The following PARD3 variants were observed in gnomAD, a reference collection of about 807,000 sequenced individuals.
PARD3 encodes the protein par-3 family cell polarity regulator.
Under a neutral mutation model 155.4 loss-of-function variants are expected in PARD3, and 75 were observed. The observed-to-expected ratio is 0.48, with a 90% CI of 0.40 to 0.58. The LOEUF (loss-of-function observed/expected upper bound fraction) is 0.58. Ranked by LOEUF, PARD3 falls within the 20% of genes least tolerant of loss-of-function variation. The pLI, the probability that PARD3 is intolerant of heterozygous loss-of-function variation, is 0.00. For missense variants in PARD3, 1,642 were observed against 1,721.7 expected (o/e 0.95, Z 0.82); for synonymous variants, 576 against 610.5 (o/e 0.94, Z 0.83).
chr10:34,317,543 C>T (rs1003353401), intron 19 of PARD3, among the ~76,000 whole-genome samples: 2 of 152,084 alleles, frequency 1.3e-5, no homozygotes, highest in African/African-American at 4.8e-5. Flanking sequence ...AGATCGTGTG[C>T]CAAGTCAGTA....
At chr10:34,579,295 T>G (rs1348332065) in intron 2 of PARD3, among the ~76,000 whole-genome samples, 2 of 151,234 alleles carry the variant, frequency 1.3e-5, no homozygotes, top group African/African-American at 4.9e-5. Context: ...AAAAGAAAAT[T>G]ATTAAACCAG....
chr10:34,283,005 A>C (rs568108959), intron 21 of PARD3, among the ~76,000 whole-genome samples: 1 of 152,126 alleles, frequency 6.6e-6, no homozygotes, highest in East Asian at 1.9e-4. Context: ...TCCCACATAC[A>C]TTTTCTACCC....
intron 7 of PARD3, among the ~76,000 whole-genome samples, chr10:34,397,949 G>C (rs572359979): frequency 6.6e-6 from 1 of 151,930 alleles, no homozygotes; most frequent in Admixed American, 6.6e-5. Flanking sequence ...TTTCTTACAC[G>C]AAATAAAGGC....
At chr10:34,814,587 T>G (rs1206772114) in intron 1 of PARD3, among the ~76,000 whole-genome samples, 1 of 151,804 alleles carries the variant, frequency 6.6e-6, no homozygotes, top group Non-Finnish European at 1.5e-5. Context: ...GGCCGGCCTA[T>G]GCGCCGCTGC....
intron 1 of PARD3, among the ~76,000 whole-genome samples, chr10:34,786,279 C>T (rs1288890293): frequency 6.6e-6 from 1 of 152,182 alleles, no homozygotes; most frequent in Non-Finnish European, 1.5e-5. Context: ...TCAGAGTTTC[C>T]ACTACATGTT....
chr10:34,438,636 T>C (rs1193853403), intron 5 of PARD3, among the ~76,000 whole-genome samples: 6 of 152,160 alleles, frequency 3.9e-5, no homozygotes, highest in African/African-American at 1.4e-4. Flanking sequence ...CCCAAAAGTA[T>C]ATAAGGGTTC....
intron 2 of PARD3, among the ~76,000 whole-genome samples, chr10:34,546,132 C>T (rs2084027828): frequency 6.6e-6 from 1 of 152,150 alleles, no homozygotes; most frequent in Non-Finnish European, 1.5e-5. Context: ...AAATTACCAA[C>T]ATATAGTAAC....
intron 2 of PARD3, among the ~76,000 whole-genome samples, chr10:34,550,236 C>G (rs1272011127): frequency 6.6e-6 from 1 of 152,176 alleles, no homozygotes; most frequent in Non-Finnish European, 1.5e-5. Context: ...CACCTTTTAT[C>G]TTTGAGACAG....
intron 2 of PARD3, among the ~76,000 whole-genome samples, chr10:34,668,991 AG>A (rs1266659728): frequency 6.6e-6 from 1 of 152,264 alleles, no homozygotes; most frequent in Non-Finnish European, 1.5e-5. Context: ...AGCAGTGAAC[AG>A]AACAGATTAA....
chr10:34,232,031 G>A (rs71487359), intron 22 of PARD3, among the ~76,000 whole-genome samples: 4,115 of 152,130 alleles, frequency 0.027, 99 homozygotes, highest in Non-Finnish European at 0.039. Context: ...TATGTTAGGC[G>A]CTTCACAGAA....
At chr10:34,440,709 A>G (rs2076418771) in intron 5 of PARD3, among the ~76,000 whole-genome samples, 1 of 152,054 alleles carries the variant, frequency 6.6e-6, no homozygotes, top group African/African-American at 2.4e-5. Flanking sequence ...AAATAAAGAC[A>G]GTTGTAAAAT....
intron 2 of PARD3, among the ~76,000 whole-genome samples, chr10:34,693,988 G>T (rs2094116923): frequency 6.6e-6 from 1 of 152,100 alleles, no homozygotes; most frequent in Admixed American, 6.5e-5. Context: ...GAAGAGTCAG[G>T]ATGAAAATCT....
intron 2 of PARD3, among the ~76,000 whole-genome samples, chr10:34,602,806 T>C (rs544867417): frequency 2.6e-5 from 4 of 152,312 alleles, no homozygotes; most frequent in Admixed American, 2.0e-4. Flanking sequence ...CATAGGTTCA[T>C]AGACATGTAA....
At chr10:34,637,109 G>A (rs1302016177) in intron 2 of PARD3, among the ~76,000 whole-genome samples, 4 of 152,274 alleles carry the variant, frequency 2.6e-5, no homozygotes, top group East Asian at 1.9e-4. Context: ...TAAGTGGTCC[G>A]GTTTAGTGCC....
intron 5 of PARD3, among the ~76,000 whole-genome samples, chr10:34,413,188 TAA>T (rs1292217312): frequency 1.5e-4 from 21 of 139,718 alleles, no homozygotes; most frequent in African/African-American, 2.4e-4. Flanking sequence ...CACATATATA[TAA>T]GACTTTGTAA....
chr10:34,703,460 GAA>G (rs71033338), intron 1 of PARD3, among the ~76,000 whole-genome samples: 87,379 of 147,024 alleles, frequency 0.59, 26,938 homozygotes, highest in Non-Finnish European at 0.68. Context: ...TAGGAAGTTG[GAA>G]AAAAAAAAAA....
At chr10:34,280,777 A>G (rs1252945838) in intron 21 of PARD3, among the ~76,000 whole-genome samples, 5 of 152,140 alleles carry the variant, frequency 3.3e-5, no homozygotes, top group Admixed American at 3.3e-4. Context: ...AGGAAAAGCA[A>G]AAAGTGAGGG....
chr10:34,740,703 T>C (rs2133878960), intron 1 of PARD3, among the ~76,000 whole-genome samples: 1 of 151,844 alleles, frequency 6.6e-6, no homozygotes, highest in Middle Eastern at 3.4e-3. Flanking sequence ...ACAAATCACG[T>C]TCCCTCCCCT....
chr10:34,118,552 C>T (rs1311764616), intron 24 of PARD3, among the ~76,000 whole-genome samples: 1 of 152,052 alleles, frequency 6.6e-6, no homozygotes, highest in Non-Finnish European at 1.5e-5. Context: ...TGCCATGTTG[C>T]CCAGGCTGGT....
Sources: allele counts gnomAD v4.1 joint callset (sites outside exome capture counted in the v4.1 genomes callset), GRCh38; gene constraint gnomAD v4.1.1; transcripts MANE v1.5; gene names NCBI Gene and HGNC (gene_info 2026-07-23, HGNC 2026-07-21).